The following ZDHHC22 variants were observed in gnomAD, a reference collection of about 807,000 sequenced individuals.
The protein encoded by ZDHHC22 is zDHHC palmitoyltransferase 22.
In ZDHHC22, 13 loss-of-function variants were observed where a neutral mutation model predicts 17.0. The ratio of observed to expected loss-of-function variants is 0.76; its 90% CI spans 0.50 to 1.21. The LOEUF is 1.21. Among genes scored for constraint, ZDHHC22 ranks in the 50% most tolerant of loss-of-function variants. The pLI is 0.00. For synonymous variants in ZDHHC22, 138 were observed against 154.7 expected (o/e 0.89, Z 0.80); for missense variants, 319 against 342.3 (o/e 0.93, Z 0.54).
chr14:77,139,406 A>AC lies in ZDHHC22; in HGVS notation c.332dup (p.Cys111TrpfsTer72). On this transcript the variant is annotated frameshift_variant, in exon 2 of 3. Coordinates refer to ENST00000319374, the MANE Select transcript of ZDHHC22 (RefSeq NM_174976.2). LOFTEE classifies it high-confidence loss of function. ...TGCCGATGCAGTTGCCGGTGAAGAA[A>AC]CAGTGATGGTCGTGCCTCAGGGTGA... The AC allele has an allele frequency of 6.2e-7, 1 of 1,610,246 alleles. No homozygotes were observed. Among genetic ancestry groups the AC allele is most frequent in the Non-Finnish European group, 8.5e-7 (1 of 1,178,458 alleles).
In ZDHHC22 at chr14:77,139,467, G is replaced by C; in HGVS notation, c.272C>G (p.Ser91Ter). ...GASARKTPCPSPSTHFCRVCA... is the reference protein window; with the variant it reads ...GASARKTPCP ...CACTCGGCAGAAGTGGGTGCTAGGTGAGGGGCATGGAGTCTTCCTGGCCGA... is the reference window on the plus strand; with the variant it reads ...CACTCGGCAGAAGTGGGTGCTAGGTCAGGGGCATGGAGTCTTCCTGGCCGA... Residue 91 changes from serine to a stop codon, truncating the protein, a stop_gained, in exon 2 of 3, where the codon TCA becomes TGA. Coordinates refer to ENST00000319374, the MANE Select transcript of ZDHHC22 (RefSeq NM_174976.2). LOFTEE classifies it high-confidence loss of function. 6.2e-7 allele frequency: 1 copy of C among 1,613,146 alleles called. No individual in the cohort carries two copies. Among genetic ancestry groups the C allele is most frequent in the South Asian group, 1.1e-5 (1 of 90,772 alleles).
rs1183914062 is a variant in ZDHHC22, at chr14:77,135,450, C to T, written c.527-1502G>A. 2.0e-5 allele frequency among the ~76,000 whole-genome samples: 3 copies of T among 151,780 alleles called. No homozygotes were observed. In the East Asian group the frequency reaches 5.8e-4, roughly 29 times the overall value. ...TAGCAGCCTCCTCTTGTCCTCATCC[C>T]TAGGAGCTTGGATAGCTGTATTATT... On this transcript the variant is annotated intron_variant, in intron 2 of 2. Transcript: ENST00000319374.
In ZDHHC22 at chr14:77,133,810, C is replaced by T. The variant is rs1326095306; in HGVS notation, c.665G>A (p.Gly222Glu). The change falls in exon 3 of 3, where the codon GGG becomes GAG. Residue 222 changes from glycine (G) to glutamate (E), a missense_variant. Coordinates refer to ENST00000319374, the MANE Select transcript of ZDHHC22 (RefSeq NM_174976.2). Reference sequence around the variant, plus strand: ...CCAGGGCCGGGCCCTCACTGCCACCCCCTTCCGCACCTGGTGGCGGGTCTG... The same window carrying T: ...CCAGGGCCGGGCCCTCACTGCCACCTCCTTCCGCACCTGGTGGCGGGTCTG... ...RGQTRHQVRKGVAVRARPWRK... is the reference protein window; with the variant it reads ...RGQTRHQVRKEVAVRARPWRK... 6.2e-7 allele frequency: 1 copy of T among 1,613,848 alleles called. No individual in the cohort carries two copies. Among genetic ancestry groups the T allele is most frequent in the Admixed American group, 1.7e-5 (1 of 60,000 alleles).
chr14:77,141,064 C>T (rs539018253), intron 1 of ZDHHC22: 2 of 152,572 alleles, frequency 1.3e-5, no homozygotes, highest in South Asian at 2.1e-4. Context: ...CCCGGGAACC[C>T]GCAGCCTCCG....
At chr14:77,137,474 T>G (rs1055395019) in intron 2 of ZDHHC22, among the ~76,000 whole-genome samples, 8 of 152,182 alleles carry the variant, frequency 5.3e-5, no homozygotes, top group Non-Finnish European at 1.0e-4. Context: ...GAAAAGAAAG[T>G]ATAAGCAGGC....
rs370321898 is a variant in ZDHHC22 at position 77,133,979 on chromosome 14, G to C, written c.527-31C>G. ...GGGCACGGGGAGGGGAAACACCAGA[G>C]CCGCTTTACACCCAGGCCACCGGCA... On this transcript the variant is annotated intron_variant, in intron 2 of 2. Coordinates refer to ENST00000319374, the MANE Select transcript of ZDHHC22 (RefSeq NM_174976.2). 3 of 1,530,158 alleles carry C rather than the reference G, an allele frequency of 2.0e-6. No homozygotes were observed. The African/African-American group carries it at 4.1e-5, about 21-fold the overall frequency. The allele number at this position is 1,530,158 out of a possible 1,614,324, so 94.8% of individuals were successfully genotyped here.
At position 77,140,012 on chromosome 14, in the gene ZDHHC22, G is replaced by T. The variant is rs1208702539; in HGVS notation, c.-14-260C>A. The stretch of plus-strand genomic sequence containing the variant: ...TTGAGCGAGCTCGGCGCCTTGGCGC[G>T]GCAGAGTCTGGCACAGGAGGGAGGG... On this transcript the variant is annotated intron_variant, in intron 1 of 2. Coordinates refer to ENST00000319374, the MANE Select transcript of ZDHHC22 (RefSeq NM_174976.2). The surrounding 1 kb of genome is among the most constrained non-coding windows in gnomAD (Gnocchi z 5.9). Among the ~76,000 whole-genome samples the T allele has an allele frequency of 6.6e-6, 1 of 152,184 alleles. No homozygotes were observed.
intron 2 of ZDHHC22, among the ~76,000 whole-genome samples, chr14:77,135,993 C>G (rs1272088935): frequency 6.6e-6 from 1 of 152,188 alleles, no homozygotes; most frequent in Non-Finnish European, 1.5e-5. Context: ...TTAAAAATCA[C>G]AGAATTTTCC....
At chr14:77,135,344 G>T (rs1023078595) in intron 2 of ZDHHC22, among the ~76,000 whole-genome samples, 2 of 152,128 alleles carry the variant, frequency 1.3e-5, no homozygotes, top group African/African-American at 4.8e-5. Flanking sequence ...CCTGTCAACT[G>T]GGCTTTCAAC....
Position 77,140,252 on chromosome 14 carries a change from G to C in ZDHHC22, c.-14-500C>G, listed in dbSNP as rs1010445776. ...CACACTCCCCTTTCTCCGTCCCTGC[G>C]TCCCCACCCACACACACATCTTGGG... is the stretch of plus-strand genomic sequence containing the variant. On this transcript the variant is annotated intron_variant, in intron 1 of 2. Transcript: ENST00000319374. This position sits in a 1 kb window ranked among gnomAD's most constrained non-coding sequence, Gnocchi z 5.9. Among the ~76,000 whole-genome samples the C allele has an allele frequency of 6.6e-6, 1 of 152,036 alleles. No individual in the cohort carries two copies. The highest frequency in any genetic ancestry group is 6.5e-5 in the Admixed American group (1 of 15,278).
Position 77,133,686 on chromosome 14 carries a change from C to T in ZDHHC22, c.789G>A (p.Lys263=), listed in dbSNP as rs1305314267. The T allele has an allele frequency of 1.2e-6, 2 of 1,612,638 alleles. No individual in the cohort carries two copies. Among genetic ancestry groups the T allele is most frequent in the Non-Finnish European group, 1.7e-6 (2 of 1,179,210 alleles). ...VGSESSKQQD[K] ...AGATAAATGACGGGAGTGTCTACTA[C>T]TTATCCTGCTGCTTGGAGCTCTCAC... Residue 263 remains lysine, a synonymous_variant, in exon 3 of 3, where the codon AAG becomes AAA. Transcript: ENST00000319374.
At chr14:77,137,685 CT>C (rs1267130800) in intron 2 of ZDHHC22, among the ~76,000 whole-genome samples, 26 of 152,300 alleles carry the variant, frequency 1.7e-4, no homozygotes, top group Admixed American at 1.2e-3. Context: ...TGGGTCCCCC[CT>C]GTATCTCTGT....
chr14:77,138,149 G>A (rs549089275), intron 2 of ZDHHC22, among the ~76,000 whole-genome samples: 5 of 152,316 alleles, frequency 3.3e-5, no homozygotes, highest in African/African-American at 9.6e-5. Context: ...GAAGTGGAAG[G>A]AAACGCAGTA....
chr14:77,138,415 T>C (rs1887178555), intron 2 of ZDHHC22, among the ~76,000 whole-genome samples: 1 of 152,146 alleles, frequency 6.6e-6, no homozygotes, highest in African/African-American at 2.4e-5. Context: ...AAAATTAGTG[T>C]GGCGTGGTGG....
chr14:77,140,644 C>T lies in ZDHHC22; in HGVS notation c.-14-892G>A, dbSNP rs1214660360. 6.6e-6 allele frequency: 1 copy of T among 152,178 alleles called. No individual in the cohort carries two copies. Among genetic ancestry groups the T allele is most frequent in the African/African-American group, 2.4e-5 (1 of 41,428 alleles). The allele number at this position is 152,178 out of a possible 1,614,324, so 9.4% of individuals were successfully genotyped here. A position where few individuals can be genotyped will look rare whatever the true frequency, so the allele number is the denominator to read the frequency against. On this transcript the variant is annotated intron_variant, in intron 1 of 2. Coordinates refer to ENST00000319374, the MANE Select transcript of ZDHHC22 (RefSeq NM_174976.2). The surrounding 1 kb of genome is among the most constrained non-coding windows in gnomAD (Gnocchi z 5.9). ...ATTTGAGGCGAAATTAAAATCCCCC[C>T]TTCGCGCCCGCCTCCCGCCCTCCTG...
At chr14:77,138,573 A>T in intron 2 of ZDHHC22, among the ~76,000 whole-genome samples, 1 of 150,026 alleles carries the variant, frequency 6.7e-6, no homozygotes, top group Non-Finnish European at 1.5e-5. Flanking sequence ...AAAAAAAAAA[A>T]CAAAAAACCT....
rs1887232250 is a variant in ZDHHC22 at position 77,140,479 on chromosome 14, A to T, written c.-14-727T>A. 6.6e-6 allele frequency: 1 copy of T among 152,008 alleles called. No homozygotes were observed. The highest frequency in any genetic ancestry group is 2.4e-5 in the African/African-American group (1 of 41,360). 9.4% of individuals were successfully genotyped at this position (152,008 alleles called of 1,614,324 possible). On this transcript the variant is annotated intron_variant, in intron 1 of 2. Coordinates refer to ENST00000319374, the MANE Select transcript of ZDHHC22 (RefSeq NM_174976.2). This position sits in a 1 kb window ranked among gnomAD's most constrained non-coding sequence, Gnocchi z 5.9. Reference sequence around the variant, plus strand: ...TATCTAGCTTTAAAAAAATCAATTGAAACAATCGATACACTCACACTCGCT... The same window carrying T: ...TATCTAGCTTTAAAAAAATCAATTGTAACAATCGATACACTCACACTCGCT...
chr14:77,133,982 G>A lies in ZDHHC22; in HGVS notation c.527-34C>T. The A allele has an allele frequency of 3.3e-6, 5 of 1,520,788 alleles. No homozygotes were observed. In the South Asian group the frequency reaches 5.4e-5, roughly 16 times the overall value. 94.2% of individuals were successfully genotyped at this position (1,520,788 alleles called of 1,614,324 possible). A position where few individuals can be genotyped will look rare whatever the true frequency, so the allele number is the denominator to read the frequency against. The stretch of plus-strand genomic sequence containing the variant: ...CACGGGGAGGGGAAACACCAGAGCC[G>A]CTTTACACCCAGGCCACCGGCATAA... On this transcript the variant is annotated intron_variant, in intron 2 of 2. Transcript: ENST00000319374.
In ZDHHC22 at chr14:77,139,380, C is replaced by A; in HGVS notation, c.359G>T (p.Ser120Ile). 6.2e-7 allele frequency: 1 copy of A among 1,605,528 alleles called. No homozygotes were observed. Among genetic ancestry groups the A allele is most frequent in the East Asian group, 2.2e-5 (1 of 44,500 alleles). Residue 120 changes from serine to isoleucine, a missense_variant, in exon 2 of 3, where the codon AGC becomes ATC. By Grantham distance (142) the Ser-to-Ile change is moderately radical. Coordinates refer to ENST00000319374, the MANE Select transcript of ZDHHC22 (RefSeq NM_174976.2). ...CAGGACGAAGTTGCGCATGTTCCTGCTGCCGATGCAGTTGCCGGTGAAGAA... is the reference window on the plus strand; with the variant it reads ...CAGGACGAAGTTGCGCATGTTCCTGATGCCGATGCAGTTGCCGGTGAAGAA... Reference protein sequence around the residue: ...HCFFTGNCIGSRNMRNFVLFC... With the variant: ...HCFFTGNCIGIRNMRNFVLFC...
Sources: allele counts gnomAD v4.1 joint callset (sites outside exome capture counted in the v4.1 genomes callset), GRCh38; gene constraint gnomAD v4.1.1; non-coding constraint Gnocchi (gnomAD v3.1); transcripts MANE v1.5; gene names NCBI Gene and HGNC (gene_info 2026-07-23, HGNC 2026-07-21).